Variants in MTRF1 observed in about 807,000 individuals in gnomAD.
MTRF1 encodes the protein peptide chain release factor 1, mitochondrial.
Under a neutral mutation model 62.9 loss-of-function variants are expected in MTRF1, and 51 were observed. The observed-to-expected ratio is 0.81, with a 90% CI of 0.65 to 1.02. The LOEUF (loss-of-function observed/expected upper bound fraction) is 1.02, where lower values mean the gene tolerates loss of function less well. Ranked by LOEUF, MTRF1 falls within the 50% of genes least tolerant of loss-of-function variation. MTRF1 has a pLI of 0.00. For synonymous variants in MTRF1, 158 were observed against 181.9 expected (o/e 0.87, Z 1.06); for missense variants, 446 against 530.0 (o/e 0.84, Z 1.56).
chr13:41,267,796 G>A (rs116611562), upstream of MTRF1, among the ~76,000 whole-genome samples: 702 of 151,752 alleles, frequency 4.6e-3, 5 homozygotes, highest in African/African-American at 0.016. Flanking sequence ...AGCCTGGGAG[G>A]TCAAGGTTGT....
intron 5 of MTRF1, among the ~76,000 whole-genome samples, chr13:41,246,133 T>C (rs1273086413): frequency 6.6e-6 from 1 of 152,124 alleles, no homozygotes; most frequent in Non-Finnish European, 1.5e-5. Flanking sequence ...AGAATAACCA[T>C]GAGTTATGAG....
chr13:41,273,285 C>T, the MTRF1 span, among the ~76,000 whole-genome samples: 1 of 150,768 alleles, frequency 6.6e-6, no homozygotes, highest in Non-Finnish European at 1.5e-5. Context: ...GAGATCGCGC[C>T]ACTGCACTCC....
chr13:41,298,650 T>C, the MTRF1 span, among the ~76,000 whole-genome samples: 2 of 152,240 alleles, frequency 1.3e-5, no homozygotes, highest in African/African-American at 2.4e-5. Flanking sequence ...CCAGAGAATC[T>C]GGGATTATAA....
chr13:41,287,659 T>C, the MTRF1 span: 1 of 154,256 alleles, frequency 6.5e-6, no homozygotes, highest in African/African-American at 2.4e-5. Context: ...AATTTGGCAT[T>C]GAGTGAGAAG....
chr13:41,276,281 T>G, the MTRF1 span, among the ~76,000 whole-genome samples: 1 of 152,036 alleles, frequency 6.6e-6, no homozygotes, highest in Non-Finnish European at 1.5e-5. Flanking sequence ...AAGTGATTCT[T>G]GTGCCTCAGT....
chr13:41,296,871 T>C, the MTRF1 span, among the ~76,000 whole-genome samples: 1 of 152,292 alleles, frequency 6.6e-6, no homozygotes, highest in Non-Finnish European at 1.5e-5. Flanking sequence ...TAACTAAATT[T>C]CCTGGTCAAT....
At chr13:41,284,832 T>C in the MTRF1 span, among the ~76,000 whole-genome samples, 3 of 152,134 alleles carry the variant, frequency 2.0e-5, no homozygotes, top group Non-Finnish European at 4.4e-5. Context: ...TTTTGTATTT[T>C]TAGTAGAGAC....
the MTRF1 span, among the ~76,000 whole-genome samples, chr13:41,309,341 A>AGTGT: frequency 0.026 from 3,564 of 135,624 alleles, 112 homozygotes; most frequent in African/African-American, 0.077. Flanking sequence ...ATGCCCAGCT[A>AGTGT]GTGTGTGTGT....
the MTRF1 span, among the ~76,000 whole-genome samples, chr13:41,290,089 C>CTTTTTTT: frequency 5.0e-4 from 39 of 78,516 alleles, no homozygotes; most frequent in Non-Finnish European, 7.7e-4. Context: ...TGTAATAGTT[C>CTTTTTTT]TTTTTTTTTT....
chr13:41,244,353 TGTAAGTCC>T (rs1172257689), intron 5 of MTRF1, among the ~76,000 whole-genome samples: 1 of 152,250 alleles, frequency 6.6e-6, no homozygotes, highest in Non-Finnish European at 1.5e-5. Flanking sequence ...TTCCCTTTTT[TGTAAGTCC>T]AAACATTTTA....
chr13:41,301,200 G>T, the MTRF1 span, among the ~76,000 whole-genome samples: 3 of 152,122 alleles, frequency 2.0e-5, no homozygotes, highest in African/African-American at 4.8e-5. Context: ...CCTCCTAAGC[G>T]CAGGTAGTGG....
chr13:41,260,942 A>AT (rs764723263), intron 1 of MTRF1, 27 bp from the exon 2 acceptor site: 116 of 1,533,204 alleles, frequency 7.6e-5, no homozygotes, highest in Non-Finnish European at 9.9e-5. Flanking sequence ...ACAGTCTTTA[A>AT]AAAAAAATCA....
chr13:41,246,759 T>C (rs1426522697), intron 5 of MTRF1, among the ~76,000 whole-genome samples: 1 of 152,218 alleles, frequency 6.6e-6, no homozygotes, highest in Non-Finnish European at 1.5e-5. Context: ...ATACTCACAC[T>C]GTACTTCAAA....
At chr13:41,297,417 C>G in the MTRF1 span, among the ~76,000 whole-genome samples, 3 of 152,206 alleles carry the variant, frequency 2.0e-5, no homozygotes, top group African/African-American at 7.2e-5. Context: ...CCACTCACTG[C>G]AACCACTGGC....
Position 41,220,630 on chromosome 13 carries a change from G to A in MTRF1, c.1224+2626C>T, listed in dbSNP as rs142959871. On this transcript the variant is annotated intron_variant, in intron 9 of 9. Transcript: ENST00000379480. ...TGCAGGGTCACGACTACCACCCGTG[G>A]AATGAGACTGAGCCTTGGGAATAAA... 76 of 1,281,098 alleles carry A rather than the reference G, an allele frequency of 5.9e-5. No individual in the cohort carries two copies. In the African/African-American group the frequency reaches 9.1e-4, roughly 15 times the overall value. The allele number at this position is 1,281,098 out of a possible 1,614,324, so 79.4% of individuals were successfully genotyped here. A position where few individuals can be genotyped will look rare whatever the true frequency, so the allele number is the denominator to read the frequency against.
chr13:41,260,601 G>C lies in MTRF1; in HGVS notation c.307C>G (p.Arg103Gly). 6.2e-7 allele frequency: 1 copy of C among 1,613,996 alleles called. No homozygotes were observed. The change falls in exon 2 of 10, where the codon CGA becomes GGA. Residue 103 changes from arginine to glycine, a missense_variant. Arg to Gly is a moderately radical substitution (Grantham distance 125). Transcript: ENST00000379480. ...LQHIPVNEEN[R>G]RSLNRRHAEL... ...GCATGCCTTCTGTTCAAGGACCTTC[G>C]GTTTTCCTCATTCACAGGGATATGC...
At chr13:41,282,861 T>C in the MTRF1 span, among the ~76,000 whole-genome samples, 2 of 152,270 alleles carry the variant, frequency 1.3e-5, no homozygotes, top group African/African-American at 4.8e-5. Context: ...TTCCCTTTAA[T>C]TGGATTCCAT....
the MTRF1 span, among the ~76,000 whole-genome samples, chr13:41,281,096 GAA>G: frequency 4.6e-5 from 7 of 152,190 alleles, no homozygotes; most frequent in Admixed American, 6.5e-5. Flanking sequence ...AGTAACAGGA[GAA>G]TCCAGTGTGG....
the MTRF1 span, among the ~76,000 whole-genome samples, chr13:41,304,397 C>T: frequency 6.6e-6 from 1 of 152,168 alleles, no homozygotes; most frequent in Non-Finnish European, 1.5e-5. Context: ...GTCTCAGCCT[C>T]ACAAGTAGCT....
Sources: gnomAD v4.1 joint callset for allele counts (sites outside exome capture counted in the v4.1 genomes callset) on GRCh38, gnomAD v4.1.1 for gene constraint, MANE v1.5 for transcripts, NCBI Gene and HGNC (gene_info 2026-07-23, HGNC 2026-07-21) for gene names.